RIMS2: variants seen among roughly 807,000 people sequenced by gnomAD.
The protein encoded by RIMS2 is regulating synaptic membrane exocytosis 2, also known as regulating synaptic membrane exocytosis protein 2.
Under a neutral mutation model 174.4 loss-of-function variants are expected in RIMS2, and 59 were observed. The observed-to-expected ratio is 0.34, with a 90% CI of 0.27 to 0.42. RIMS2 has a LOEUF of 0.42. Among genes scored for constraint, RIMS2 ranks in the 10% least tolerant of loss-of-function variants. The pLI is 1.00. For missense variants in RIMS2, 1,620 were observed against 1,666.3 expected (o/e 0.97, Z 0.48); for synonymous variants, 606 against 572.5 (o/e 1.06, Z -0.84).
At chr8:103,914,245 A>AT (rs938309621) in intron 6 of RIMS2, among the ~76,000 whole-genome samples, 8 of 152,074 alleles carry the variant, frequency 5.3e-5, no homozygotes, top group East Asian at 1.9e-4. Context: ...CTTAAAAACA[A>AT]TTTTTTTAAT....
At chr8:103,852,496 A>T (rs972295922) in intron 3 of RIMS2, among the ~76,000 whole-genome samples, 2 of 150,732 alleles carry the variant, frequency 1.3e-5, no homozygotes, top group Admixed American at 1.3e-4. Flanking sequence ...CAGTGGGTAT[A>T]TTGCAACCAG....
chr8:104,096,988 G>A (rs1163727502), intron 19 of RIMS2, among the ~76,000 whole-genome samples: 1 of 152,118 alleles, frequency 6.6e-6, no homozygotes, highest in Non-Finnish European at 1.5e-5. Flanking sequence ...TCTTTATTGT[G>A]AGAGAAAATA....
rs147956014 is a variant in RIMS2 at position 103,868,289 on chromosome 8, T to A, written c.699-17009T>A. Among the ~76,000 whole-genome samples the A allele has an allele frequency of 4.2e-3, 646 of 152,200 alleles. 4 individuals are homozygous for A. The highest frequency in any genetic ancestry group is 0.015 in the African/African-American group (615 of 41,566). On this transcript the variant is annotated intron_variant, in intron 3 of 23. Transcript: ENST00000504942. ...TACAAGGTGAAAAACCTAGAAATCA[T>A]CTTAGTTTTCCTTGAACTTGGATTC...
chr8:104,001,007 C>T (rs778569946), intron 17 of RIMS2, among the ~76,000 whole-genome samples: 1 of 151,786 alleles, frequency 6.6e-6, no homozygotes, highest in Non-Finnish European at 1.5e-5. Flanking sequence ...TTCTTCCATT[C>T]TGTAGGTGTC....
intron 1 of RIMS2, among the ~76,000 whole-genome samples, chr8:103,695,232 CT>C (rs1364119476): frequency 6.6e-6 from 1 of 152,114 alleles, no homozygotes; most frequent in Non-Finnish European, 1.5e-5. Context: ...ACCTGGTTTC[CT>C]TAGGTCTCAT....
intron 1 of RIMS2, among the ~76,000 whole-genome samples, chr8:103,528,488 T>A (rs1034118700): frequency 6.6e-6 from 1 of 152,196 alleles, no homozygotes; most frequent in African/African-American, 2.4e-5. Context: ...CTGAATGGTA[T>A]TGCCTAGGTT....
intron 19 of RIMS2, among the ~76,000 whole-genome samples, chr8:104,193,265 G>A (rs1156610560): frequency 6.6e-6 from 1 of 151,992 alleles, no homozygotes; most frequent in East Asian, 1.9e-4. Flanking sequence ...TGAGTACTGT[G>A]GTTTTCAGAT....
chr8:103,646,759 T>C (rs771648056), intron 1 of RIMS2, among the ~76,000 whole-genome samples: 9 of 151,926 alleles, frequency 5.9e-5, no homozygotes, highest in Non-Finnish European at 8.8e-5. Flanking sequence ...TTTCTAGATA[T>C]AGGATCATGT....
chr8:103,761,912 T>A (rs1403015794), intron 2 of RIMS2, among the ~76,000 whole-genome samples: 1 of 152,104 alleles, frequency 6.6e-6, no homozygotes. Flanking sequence ...TAAACTATAA[T>A]CCCTCCCTTT....
At chr8:104,146,350 G>C (rs1336521097) in intron 19 of RIMS2, among the ~76,000 whole-genome samples, 1 of 152,054 alleles carries the variant, frequency 6.6e-6, no homozygotes, top group Non-Finnish European at 1.5e-5. Context: ...CTGCACCCTA[G>C]CCTGGGTGAC....
chr8:104,187,648 T>C (rs2098975394), intron 19 of RIMS2, among the ~76,000 whole-genome samples: 1 of 151,844 alleles, frequency 6.6e-6, no homozygotes, highest in Non-Finnish European at 1.5e-5. Context: ...GAAATCCATC[T>C]TGTTTAACTG....
At chr8:103,581,679 C>T (rs950256403) in intron 1 of RIMS2, among the ~76,000 whole-genome samples, 2 of 152,162 alleles carry the variant, frequency 1.3e-5, no homozygotes, top group Non-Finnish European at 2.9e-5. Context: ...AGGAAGAAGT[C>T]ACATTAGGTT....
intron 18 of RIMS2, 36 bp downstream of exon 20, chr8:104,013,657 G>T: frequency 6.4e-7 from 1 of 1,561,124 alleles, no homozygotes; most frequent in Non-Finnish European, 8.8e-7. Context: ...TTTCCCCTTT[G>T]CCCCACCAGC....
chr8:103,644,006 G>A lies in RIMS2; in HGVS notation c.177-53080G>A, dbSNP rs1252702784. On this transcript the variant is annotated intron_variant, in intron 1 of 23. Coordinates refer to ENST00000504942, the Ensembl canonical transcript of RIMS2. ...CTTGTTAAAATACAGAGCTTCAAGTGCATTTCAAAATGGTTACTTTCCTTC... is the reference window on the plus strand; with the variant it reads ...CTTGTTAAAATACAGAGCTTCAAGTACATTTCAAAATGGTTACTTTCCTTC... Among the ~76,000 whole-genome samples the A allele has an allele frequency of 3.9e-5, 6 of 152,036 alleles. No homozygotes were observed. In the East Asian group the frequency reaches 7.7e-4, roughly 20 times the overall value.
At chr8:104,207,581 G>GCA (rs1316667630) in intron 19 of RIMS2, among the ~76,000 whole-genome samples, 4 of 151,820 alleles carry the variant, frequency 2.6e-5, no homozygotes, top group Admixed American at 2.6e-4. Context: ...CGAGGCAGGT[G>GCA]GATCACCTGA....
At chr8:103,785,485 G>T (rs1389394870) in intron 3 of RIMS2, among the ~76,000 whole-genome samples, 2 of 152,120 alleles carry the variant, frequency 1.3e-5, no homozygotes, top group African/African-American at 4.8e-5. Context: ...ATGAAGGGTT[G>T]TTGAATTTTG....
At chr8:103,950,156 A>G (rs28873475) in intron 14 of RIMS2, among the ~76,000 whole-genome samples, 34,508 of 152,038 alleles carry the variant, frequency 0.23, 4,138 homozygotes, top group Non-Finnish European at 0.24. Context: ...AAAAAATTTC[A>G]GGCCCAGATG....
intron 3 of RIMS2, among the ~76,000 whole-genome samples, chr8:103,787,858 C>T (rs945182923): frequency 1.5e-4 from 23 of 152,110 alleles, no homozygotes; most frequent in African/African-American, 5.1e-4. Context: ...TAATATCCTG[C>T]AGAGTGTTTT....
intron 19 of RIMS2, among the ~76,000 whole-genome samples, chr8:104,057,480 C>T (rs568756043): frequency 1.3e-5 from 2 of 152,122 alleles, no homozygotes; most frequent in African/African-American, 4.8e-5. Context: ...ACAAAACAAA[C>T]ACATATTATT....
Sources: gnomAD v4.1 joint callset for allele counts (sites outside exome capture counted in the v4.1 genomes callset) on GRCh38, gnomAD v4.1.1 for gene constraint, MANE v1.5 for transcripts, NCBI Gene and HGNC (gene_info 2026-07-23, HGNC 2026-07-21) for gene names.